Variants in PEX5L observed in about 807,000 individuals in gnomAD.
PEX5L encodes peroxisomal biogenesis factor 5 like.
Under a neutral mutation model 84.0 loss-of-function variants are expected in PEX5L, and 30 were observed. The ratio of observed to expected loss-of-function variants is 0.36; its 90% confidence interval spans 0.27 to 0.48. The LOEUF is 0.48. Among genes scored for constraint, PEX5L ranks in the 20% least tolerant of loss-of-function variants. The pLI is 0.99. For missense variants in PEX5L, 533 were observed against 754.6 expected, an observed-to-expected ratio of 0.71 and a Z score of 3.44; for synonymous variants, 270 against 283.1, an observed-to-expected ratio of 0.95 and a Z score of 0.46.
intron 11 of PEX5L, among the ~76,000 whole-genome samples, chr3:179,809,886 T>G (rs1301925044): frequency 6.6e-6 from 1 of 151,960 alleles, no homozygotes; most frequent in Non-Finnish European, 1.5e-5. Context: ...ATTGCTAGGT[T>G]TGGTAATTTT....
intron 2 of PEX5L, among the ~76,000 whole-genome samples, chr3:179,903,780 C>G (rs987309261): frequency 6.6e-6 from 1 of 152,196 alleles, no homozygotes; most frequent in African/African-American, 2.4e-5. Context: ...AAGTGTGCTC[C>G]TGTAGATTTC....
chr3:179,936,009 C>T lies in PEX5L; in HGVS notation c.93+35585G>A, dbSNP rs1489708719. On this transcript the variant is annotated intron_variant, in intron 2 of 14. Coordinates refer to ENST00000467460, the MANE Select transcript of PEX5L (RefSeq NM_016559.3). ...GCACCACGTTTCTTGGACTTCACAG[C>T]CACCAGAGTTGTAAGCCAAATAACT... 2.0e-5 allele frequency among the ~76,000 whole-genome samples: 3 copies of T among 152,168 alleles called. No individual in the cohort carries two copies. The East Asian group carries it at 5.8e-4, about 29-fold the overall frequency.
At chr3:179,886,047 A>C (rs1308322528) in intron 4 of PEX5L, among the ~76,000 whole-genome samples, 1 of 152,214 alleles carries the variant, frequency 6.6e-6, no homozygotes, top group African/African-American at 2.4e-5. Flanking sequence ...TGTTAGAACA[A>C]TCAAGCTGAA....
In PEX5L at chr3:179,874,358, G is replaced by A. The variant is rs766854155; in HGVS notation, c.695C>T (p.Ala232Val). The A allele has an allele frequency of 1.2e-6, 2 of 1,612,084 alleles. No individual in the cohort carries two copies. Among genetic ancestry groups the A allele is most frequent in the South Asian group, 2.2e-5 (2 of 90,990 alleles). The change falls in exon 7 of 15, where the codon GCT (alanine) becomes GTT (valine). Residue 232 changes from alanine (A) to valine (V), a missense_variant. By Grantham distance (64) the Ala-to-Val change is moderately conservative. Around this residue, in one of 8 missense-constraint regions of PEX5L, gnomAD observed 259 missense variants for 301.7 expected, o/e 0.86. Transcript: ENST00000467460. Reference protein sequence around the residue: ...GGKSALNSESASELELVAPTQ... With the variant: ...GGKSALNSESVSELELVAPTQ... ...CGGAGCCACTAATTCCAATTCTGAAGCCGACTCAGAGTTGAGGGCGCTTTT... is the reference window on the plus strand; with the variant it reads ...CGGAGCCACTAATTCCAATTCTGAAACCGACTCAGAGTTGAGGGCGCTTTT...
intron 7 of PEX5L, among the ~76,000 whole-genome samples, chr3:179,860,751 G>T (rs1745802900): frequency 6.6e-6 from 1 of 152,214 alleles, no homozygotes; most frequent in African/African-American, 2.4e-5. Flanking sequence ...CTTTTTTGGA[G>T]ACTTCATGAG....
intron 1 of PEX5L, among the ~76,000 whole-genome samples, chr3:180,006,893 G>A (rs1363270906): frequency 6.6e-6 from 1 of 152,154 alleles, no homozygotes; most frequent in Admixed American, 6.5e-5. Context: ...TTAAAGATGA[G>A]ATTTGGGTGG....
chr3:179,857,954 G>A (rs1008282416), intron 8 of PEX5L, among the ~76,000 whole-genome samples: 8 of 152,070 alleles, frequency 5.3e-5, no homozygotes, highest in Non-Finnish European at 1.2e-4. Context: ...AGGAATTTGG[G>A]TAGATGGTAT....
chr3:179,976,461 G>A (rs980967084), intron 1 of PEX5L, among the ~76,000 whole-genome samples: 2 of 151,890 alleles, frequency 1.3e-5, no homozygotes, highest in Non-Finnish European at 2.9e-5. Flanking sequence ...GTGGGGGGAA[G>A]GAGTCTCGCT....
chr3:179,973,939 G>A (rs1785399732), intron 1 of PEX5L: 3 of 985,364 alleles, frequency 3.0e-6, no homozygotes, highest in Non-Finnish European at 3.6e-6. Context: ...CTAGAATTAA[G>A]CAATATTTTC....
intron 2 of PEX5L, among the ~76,000 whole-genome samples, chr3:179,955,791 A>C (rs924613558): frequency 1.3e-5 from 2 of 152,152 alleles, no homozygotes; most frequent in African/African-American, 4.8e-5. Flanking sequence ...TACGATTAGA[A>C]AGTTATCTAA....
chr3:179,969,721 T>C (rs1784273952), intron 2 of PEX5L, among the ~76,000 whole-genome samples: 2 of 152,250 alleles, frequency 1.3e-5, no homozygotes, highest in Middle Eastern at 3.4e-3. Context: ...TGTTTTGACA[T>C]GAATAACTCA....
At chr3:180,018,424 C>A (rs1318060865) in intron 1 of PEX5L, among the ~76,000 whole-genome samples, 2 of 152,158 alleles carry the variant, frequency 1.3e-5, no homozygotes, top group East Asian at 3.8e-4. Context: ...CGGCTGATGA[C>A]AAGTAACTAA....
intron 1 of PEX5L, among the ~76,000 whole-genome samples, chr3:179,982,709 G>A (rs1786443578): frequency 6.6e-6 from 1 of 152,098 alleles, no homozygotes; most frequent in African/African-American, 2.4e-5. Flanking sequence ...TGATACTTAA[G>A]GACTATAAGT....
intron 5 of PEX5L, among the ~76,000 whole-genome samples, chr3:179,879,350 T>C (rs1356673904): frequency 6.6e-6 from 1 of 152,230 alleles, no homozygotes; most frequent in Non-Finnish European, 1.5e-5. Context: ...GTTCTTCTTA[T>C]AAACTGTGAG....
rs1016508502 is a variant in PEX5L at position 179,796,792 on chromosome 3, C to T, written c.*5036G>A. 4.6e-5 allele frequency: 7 copies of T among 152,136 alleles called. No individual in the cohort carries two copies. Among genetic ancestry groups the T allele is most frequent in the Admixed American group, 1.3e-4 (2 of 15,278 alleles). 9.4% of individuals were successfully genotyped at this position (152,136 alleles called of 1,614,324 possible). On this transcript the variant is annotated 3_prime_UTR_variant, in exon 15 of 15. Transcript: ENST00000467460. ...GACCGTGAAATCACCTCATCACTCCCTAAATATCAGTGTTTTTAGACCTGT... is the reference window on the plus strand; with the variant it reads ...GACCGTGAAATCACCTCATCACTCCTTAAATATCAGTGTTTTTAGACCTGT...
At chr3:179,895,230 G>T (rs1222781847) in intron 3 of PEX5L, among the ~76,000 whole-genome samples, 8 of 152,138 alleles carry the variant, frequency 5.3e-5, no homozygotes, top group Middle Eastern at 3.4e-3. Flanking sequence ...AATCGTTAAT[G>T]TGATAGTTTA....
chr3:179,865,079 G>C (rs572522454), intron 7 of PEX5L, among the ~76,000 whole-genome samples: 1 of 152,236 alleles, frequency 6.6e-6, no homozygotes, highest in African/African-American at 2.4e-5. Flanking sequence ...AGGATGCAAA[G>C]GGCACTGGAA....
intron 1 of PEX5L, among the ~76,000 whole-genome samples, chr3:180,016,340 A>G (rs1217520092): frequency 6.6e-6 from 1 of 152,184 alleles, no homozygotes. Flanking sequence ...AGTGCTATGA[A>G]ATATTTTTAT....
rs900016033 is a variant in PEX5L, at chr3:179,937,410, C to A, written c.93+34184G>T. Among the ~76,000 whole-genome samples the A allele has an allele frequency of 3.3e-5, 5 of 151,800 alleles. 1 individual carries two copies. Among genetic ancestry groups the A allele is most frequent in the African/African-American group, 1.2e-4 (5 of 41,380 alleles). On this transcript the variant is annotated intron_variant, in intron 2 of 14. Transcript: ENST00000467460. Reference sequence around the variant, plus strand: ...ACTTTTCTGTAAATCTAAAACTACTCCAAAATAAAAAAAAAAGTTTATTGA... The same window carrying A: ...ACTTTTCTGTAAATCTAAAACTACTACAAAATAAAAAAAAAAGTTTATTGA...
Sources: gnomAD v4.1 joint callset for allele counts (sites outside exome capture counted in the v4.1 genomes callset) on GRCh38, gnomAD v4.1.1 for gene constraint, gnomAD v4.1.1 regional missense constraint, MANE v1.5 for transcripts, NCBI Gene and HGNC (gene_info 2026-07-23, HGNC 2026-07-21) for gene names.